Variants in GPC5 observed in about 807,000 individuals in gnomAD.
GPC5 encodes glypican-5.
Under a neutral mutation model 53.9 loss-of-function variants are expected in GPC5, and 47 were observed. The ratio of observed to expected loss-of-function variants is 0.87; its 90% CI spans 0.69 to 1.11. The LOEUF (loss-of-function observed/expected upper bound fraction) is 1.11, where lower values mean the gene tolerates loss of function less well. Among genes scored for constraint, GPC5 ranks in the 50% most tolerant of loss-of-function variants. The pLI is 0.00. For synonymous variants in GPC5, 286 were observed against 263.3 expected, an observed-to-expected ratio of 1.09 and a Z score of -0.84; for missense variants, 748 against 713.1, an observed-to-expected ratio of 1.05 and a Z score of -0.56.
rs534487117 is a variant in GPC5 at position 91,596,122 on chromosome 13, T to C, written c.326-97065T>C. On this transcript the variant is annotated intron_variant, in intron 2 of 7. Transcript: ENST00000377067. ...GGAATGATCTTTGTAGTTGATAATA[T>C]CCTTTCTTCTGAAATATTTTTGATA... 2.0e-4 allele frequency among the ~76,000 whole-genome samples: 30 copies of C among 152,356 alleles called. 1 individual carries two copies. Among genetic ancestry groups the C allele is most frequent in the African/African-American group, 7.0e-4 (29 of 41,596 alleles).
chr13:92,804,621 T>G (rs1323983654), intron 7 of GPC5, among the ~76,000 whole-genome samples: 1 of 152,004 alleles, frequency 6.6e-6, no homozygotes, highest in Admixed American at 6.6e-5. Context: ...GGCAGCCAAC[T>G]AATCAGAGTG....
chr13:91,890,323 A>T (rs916507458), intron 5 of GPC5, among the ~76,000 whole-genome samples: 2 of 152,282 alleles, frequency 1.3e-5, no homozygotes, highest in East Asian at 3.9e-4. Context: ...TCTAAAATAA[A>T]TGACTCTATT....
intron 7 of GPC5, among the ~76,000 whole-genome samples, chr13:92,585,249 ACCCAG>A (rs1270735886): frequency 6.6e-6 from 1 of 152,154 alleles, no homozygotes; most frequent in Non-Finnish European, 1.5e-5. Context: ...TGGAGGCTAT[ACCCAG>A]CAAAGCCACA....
intron 7 of GPC5, among the ~76,000 whole-genome samples, chr13:92,591,554 G>C (rs562267587): frequency 2.6e-5 from 4 of 152,216 alleles, no homozygotes; most frequent in Admixed American, 2.0e-4. Flanking sequence ...AATCTAGCTA[G>C]TTAATACATT....
At chr13:92,300,507 C>A (rs1353965108) in intron 7 of GPC5, among the ~76,000 whole-genome samples, 1 of 152,166 alleles carries the variant, frequency 6.6e-6, no homozygotes, top group African/African-American at 2.4e-5. Flanking sequence ...GCTAACCTAA[C>A]ACATGAGTCT....
intron 1 of GPC5, among the ~76,000 whole-genome samples, chr13:91,446,908 G>C (rs1880847734): frequency 6.6e-6 from 1 of 152,224 alleles, no homozygotes; most frequent in Non-Finnish European, 1.5e-5. Flanking sequence ...GAACAGGTAG[G>C]GTAAGTGTGT....
At chr13:91,791,711 C>T (rs547580914) in intron 5 of GPC5, among the ~76,000 whole-genome samples, 7 of 149,972 alleles carry the variant, frequency 4.7e-5, no homozygotes, top group African/African-American at 1.7e-4. Flanking sequence ...TGAAAATACT[C>T]TCTTCCACTA....
At chr13:91,715,646 A>G (rs1594469609) in intron 3 of GPC5, among the ~76,000 whole-genome samples, 1 of 152,216 alleles carries the variant, frequency 6.6e-6, no homozygotes, top group Non-Finnish European at 1.5e-5. Context: ...ATTTATATGT[A>G]TAAATAACTA....
intron 7 of GPC5, among the ~76,000 whole-genome samples, chr13:92,173,349 T>C (rs1279898698): frequency 6.6e-6 from 1 of 152,188 alleles, no homozygotes; most frequent in Non-Finnish European, 1.5e-5. Context: ...GTCCTTCATG[T>C]TGACTGTGGT....
At chr13:91,602,632 A>G (rs529126869) in intron 2 of GPC5, among the ~76,000 whole-genome samples, 1 of 152,226 alleles carries the variant, frequency 6.6e-6, no homozygotes, top group Non-Finnish European at 1.5e-5. Flanking sequence ...TGCAGATCAC[A>G]AAAAGATTGA....
At chr13:91,749,416 C>T (rs1011563637) in intron 4 of GPC5, among the ~76,000 whole-genome samples, 2 of 152,136 alleles carry the variant, frequency 1.3e-5, no homozygotes, top group Non-Finnish European at 2.9e-5. Flanking sequence ...ACATTTTATC[C>T]AGTCTCCTAT....
intron 7 of GPC5, among the ~76,000 whole-genome samples, chr13:92,319,094 G>A (rs1454402165): frequency 6.6e-6 from 1 of 152,070 alleles, no homozygotes; most frequent in Non-Finnish European, 1.5e-5. Flanking sequence ...GATGAAGGGT[G>A]GAAACTGAAA....
At chr13:91,916,127 G>A (rs539358002) in intron 6 of GPC5, among the ~76,000 whole-genome samples, 1 of 152,148 alleles carries the variant, frequency 6.6e-6, no homozygotes, top group Admixed American at 6.6e-5. Flanking sequence ...TTTAATTTTA[G>A]TGTATAATAA....
chr13:91,513,037 T>A (rs528848805), intron 2 of GPC5, among the ~76,000 whole-genome samples: 1 of 152,364 alleles, frequency 6.6e-6, no homozygotes, highest in African/African-American at 2.4e-5. Flanking sequence ...AGGGTACATA[T>A]GCAGGTTTGT....
chr13:92,762,008 C>T (rs1290129934), intron 7 of GPC5, among the ~76,000 whole-genome samples: 4 of 151,644 alleles, frequency 2.6e-5, no homozygotes, highest in Non-Finnish European at 5.9e-5. Flanking sequence ...ACTGGATGTG[C>T]CTTAGAAGAA....
chr13:92,264,876 CTCTGTGTG>C (rs1471918830), intron 7 of GPC5, among the ~76,000 whole-genome samples: 16 of 119,326 alleles, frequency 1.3e-4, no homozygotes, highest in African/African-American at 3.0e-4. Flanking sequence ...CTCTCTCTCT[CTCTGTGTG>C]TGTGTGTGTG....
chr13:92,378,682 G>A (rs907755295), intron 7 of GPC5, among the ~76,000 whole-genome samples: 1 of 152,090 alleles, frequency 6.6e-6, no homozygotes, highest in Non-Finnish European at 1.5e-5. Flanking sequence ...AATGATATAT[G>A]AAATGGAAAC....
At chr13:92,611,589 G>GT (rs34547215) in intron 7 of GPC5, among the ~76,000 whole-genome samples, 16,981 of 152,108 alleles carry the variant, frequency 0.11, 2,962 homozygotes, top group African/African-American at 0.37. Context: ...GTCCTCAAGA[G>GT]TTTTTTCATA....
chr13:92,247,899 A>G (rs1480245867), intron 7 of GPC5, among the ~76,000 whole-genome samples: 1 of 152,148 alleles, frequency 6.6e-6, no homozygotes, highest in African/African-American at 2.4e-5. Context: ...TGAGTTAGGG[A>G]TATTGCAGTA....
Sources: allele counts gnomAD v4.1 joint callset (sites outside exome capture counted in the v4.1 genomes callset), GRCh38; gene constraint gnomAD v4.1.1; transcripts MANE v1.5; gene names NCBI Gene and HGNC (gene_info 2026-07-23, HGNC 2026-07-21).